Variants in CPNE8 observed in about 807,000 individuals in gnomAD.
CPNE8 encodes the protein copine-8.
CPNE8 carries 45 observed loss-of-function variants against 81.5 expected under a neutral mutation model. That is an observed-to-expected ratio of 0.55 (90% CI 0.44 to 0.71). CPNE8 has a LOEUF of 0.71. CPNE8 is among the 30% of genes least tolerant of loss of function. The probability of loss-of-function intolerance (pLI) is 0.00; values close to 1 mark genes in which losing one functional copy is unlikely to be tolerated. For synonymous variants in CPNE8, 252 were observed against 226.3 expected (o/e 1.11, Z -1.02); for missense variants, 594 against 672.1 (o/e 0.88, Z 1.28).
At chr12:38,852,113 T>C (rs1226105959) in intron 3 of CPNE8, among the ~76,000 whole-genome samples, 1 of 152,110 alleles carries the variant, frequency 6.6e-6, no homozygotes, top group Non-Finnish European at 1.5e-5. Flanking sequence ...ATAAAACTTA[T>C]ATTTTGCTAC....
chr12:38,734,217 T>C (rs2136774223), intron 10 of CPNE8, among the ~76,000 whole-genome samples: 1 of 152,108 alleles, frequency 6.6e-6, no homozygotes, highest in Non-Finnish European at 1.5e-5. Flanking sequence ...CACAGCTGAA[T>C]TTTGCAAACA....
At chr12:38,769,690 A>G (rs568395147) in intron 7 of CPNE8, among the ~76,000 whole-genome samples, 1 of 152,332 alleles carries the variant, frequency 6.6e-6, no homozygotes, top group East Asian at 1.9e-4. Context: ...CTGTATACTT[A>G]CAATGCATAA....
chr12:38,661,051 G>A (rs1384806617), intron 19 of CPNE8, among the ~76,000 whole-genome samples: 27 of 152,240 alleles, frequency 1.8e-4, no homozygotes, highest in Non-Finnish European at 3.7e-4. Flanking sequence ...ACAGTGTGGC[G>A]ATTCCTCAAG....
chr12:38,795,595 T>C (rs908324533), intron 6 of CPNE8, among the ~76,000 whole-genome samples: 2 of 152,142 alleles, frequency 1.3e-5, no homozygotes, highest in East Asian at 3.9e-4. Context: ...CTTGAAGACA[T>C]TATGCTAAGT....
At chr12:38,747,116 A>G (rs1941243343) in intron 10 of CPNE8, among the ~76,000 whole-genome samples, 1 of 152,242 alleles carries the variant, frequency 6.6e-6, no homozygotes. Flanking sequence ...TTATTTTTAA[A>G]GAAAAGCAGA....
chr12:38,847,894 T>A (rs909999780), intron 4 of CPNE8, among the ~76,000 whole-genome samples: 1 of 152,152 alleles, frequency 6.6e-6, no homozygotes, highest in African/African-American at 2.4e-5. Context: ...TTTTCATATT[T>A]TAAGCATATT....
intron 13 of CPNE8, among the ~76,000 whole-genome samples, chr12:38,715,470 T>A (rs934895622): frequency 2.0e-5 from 3 of 151,994 alleles, no homozygotes; most frequent in African/African-American, 7.2e-5. Flanking sequence ...GGCCCCTAAA[T>A]TGATGCAGGG....
chr12:38,891,179 C>T (rs1450559018), intron 1 of CPNE8, among the ~76,000 whole-genome samples: 3 of 151,988 alleles, frequency 2.0e-5, no homozygotes, highest in Non-Finnish European at 4.4e-5. Flanking sequence ...AATCCACCCA[C>T]CTCAGCCTCG....
intron 6 of CPNE8, among the ~76,000 whole-genome samples, chr12:38,797,762 G>C (rs1030449514): frequency 3.3e-5 from 5 of 152,030 alleles, no homozygotes; most frequent in African/African-American, 7.2e-5. Flanking sequence ...AGCTAAAGGA[G>C]GAAGTTTGAA....
intron 10 of CPNE8, among the ~76,000 whole-genome samples, chr12:38,737,734 A>G (rs891188371): frequency 4.6e-5 from 7 of 152,164 alleles, no homozygotes; most frequent in African/African-American, 1.7e-4. Flanking sequence ...AACCTGGAAC[A>G]CAGAGAGTCC....
At chr12:38,866,134 C>T (rs894292010) in intron 3 of CPNE8, among the ~76,000 whole-genome samples, 2 of 152,180 alleles carry the variant, frequency 1.3e-5, no homozygotes, top group African/African-American at 2.4e-5. Context: ...TTAATGGCCA[C>T]GCATTTCATA....
chr12:38,886,609 C>T (rs1051527362), intron 1 of CPNE8, among the ~76,000 whole-genome samples: 2 of 152,186 alleles, frequency 1.3e-5, no homozygotes, highest in Non-Finnish European at 2.9e-5. Context: ...GCCCTGATCT[C>T]AAGTCCACTT....
rs540697877 is a variant in CPNE8, at chr12:38,819,127, CTTTAA to C, written c.407+10247_407+10251del. On this transcript the variant is annotated intron_variant, in intron 6 of 19. Transcript: ENST00000331366. Reference sequence around the variant, plus strand: ...TAGTTTATTTTGCTGTGCAGAAGCTCTTTAATTTAATTAGATCCCATTTGTCAATT... The same window carrying C: ...TAGTTTATTTTGCTGTGCAGAAGCTCTTTAATTAGATCCCATTTGTCAATT... Among the ~76,000 whole-genome samples, 10 of 151,360 alleles carry C rather than the reference CTTTAA, an allele frequency of 6.6e-5. No homozygotes were observed. In the South Asian group the frequency reaches 2.1e-3, roughly 32 times the overall value.
intron 1 of CPNE8, 78 bp from the exon 2 acceptor site, chr12:38,874,589 A>T: frequency 1.2e-6 from 1 of 867,648 alleles, no homozygotes; most frequent in South Asian, 1.5e-5. Context: ...TAAAATGTGT[A>T]TGTACATAAT....
intron 17 of CPNE8, chr12:38,676,112 T>C (rs908874701): frequency 1.4e-4 from 23 of 169,066 alleles, no homozygotes; most frequent in Admixed American, 2.2e-4. Context: ...TGAGAGCCTG[T>C]CTAAAAAAAA....
chr12:38,797,960 T>C (rs181487903), intron 6 of CPNE8, among the ~76,000 whole-genome samples: 3 of 151,804 alleles, frequency 2.0e-5, no homozygotes, highest in African/African-American at 7.2e-5. Context: ...TGATGGAAGA[T>C]GAAATGAATG....
intron 7 of CPNE8, among the ~76,000 whole-genome samples, chr12:38,772,160 A>T (rs1001063186): frequency 6.6e-6 from 1 of 152,162 alleles, no homozygotes; most frequent in African/African-American, 2.4e-5. Context: ...GTCTGCTTCC[A>T]CTTTCACTTT....
intron 6 of CPNE8, among the ~76,000 whole-genome samples, chr12:38,814,505 T>C (rs897829331): frequency 2.6e-5 from 4 of 151,884 alleles, no homozygotes; most frequent in African/African-American, 9.7e-5. Flanking sequence ...GTATTTTTAA[T>C]AGAAACGGGG....
At chr12:38,894,396 A>T (rs1944356917) in intron 1 of CPNE8, among the ~76,000 whole-genome samples, 1 of 152,156 alleles carries the variant, frequency 6.6e-6, no homozygotes, top group South Asian at 2.1e-4. Context: ...ATTCACTAGT[A>T]ACTTGATATT....
Sources: gnomAD v4.1 joint callset for allele counts (sites outside exome capture counted in the v4.1 genomes callset) on GRCh38, gnomAD v4.1.1 for gene constraint, MANE v1.5 for transcripts, NCBI Gene and HGNC (gene_info 2026-07-23, HGNC 2026-07-21) for gene names.